The following PDE8B variants were observed in gnomAD, a reference collection of about 807,000 sequenced individuals.
The protein encoded by PDE8B is high affinity cAMP-specific and IBMX-insensitive 3',5'-cyclic phosphodiesterase 8B.
In PDE8B, 26 loss-of-function variants were observed where a neutral mutation model predicts 101.3. The observed-to-expected ratio is 0.26, with a 90% CI of 0.19 to 0.36. The LOEUF (loss-of-function observed/expected upper bound fraction) is 0.36. Ranked by LOEUF, PDE8B falls within the 10% of genes least tolerant of loss-of-function variation. The probability of loss-of-function intolerance (pLI) is 1.00; values close to 1 mark genes in which losing one functional copy is unlikely to be tolerated. For missense variants in PDE8B, 810 were observed against 1,163.1 expected (o/e 0.70, Z 4.42); for synonymous variants, 424 against 429.3 (o/e 0.99, Z 0.15).
In PDE8B at chr5:77,210,814, G is replaced by T. The variant is rs1276501336; in HGVS notation, c.-112G>T. ...GAGCGGCGGACACACAGGCCGGGGG[G>T]CGCGCAGTCCGGGCGCCGCCGCGGC... On this transcript the variant is annotated 5_prime_UTR_variant, in exon 1 of 22. Transcript: ENST00000264917. This position sits in a 1 kb window ranked among gnomAD's most constrained non-coding sequence, Gnocchi z 4.9. 4.0e-5 allele frequency: 39 copies of T among 985,422 alleles called. No homozygotes were observed. In the Admixed American group the frequency reaches 5.6e-4, roughly 14 times the overall value. The allele number at this position is 985,422 out of a possible 1,614,324, so 61.0% of individuals were successfully genotyped here.
intron 10 of PDE8B, among the ~76,000 whole-genome samples, chr5:77,375,146 C>T (rs374490868): frequency 2.0e-5 from 3 of 152,196 alleles, no homozygotes; most frequent in Admixed American, 1.3e-4. Flanking sequence ...TGGACACTAA[C>T]GAAGCTCTCA....
intron 1 of PDE8B, among the ~76,000 whole-genome samples, chr5:77,262,192 T>TA (rs5868861): frequency 0.067 from 9,886 of 147,252 alleles, 369 homozygotes; most frequent in African/African-American, 0.086. Context: ...GTGTGCCTGG[T>TA]AAAAAAAAAA....
chr5:77,426,092 CT>C (rs927628619), intron 21 of PDE8B, 196 bp downstream of exon 21: 2 of 639,182 alleles, frequency 3.1e-6, no homozygotes, highest in African/African-American at 3.6e-5. Context: ...GTGCAGAAGA[CT>C]TGATGGATTT....
At chr5:77,424,826 G>T (rs78482291) in intron 20 of PDE8B, among the ~76,000 whole-genome samples, 14,931 of 146,516 alleles carry the variant, frequency 0.1, 826 homozygotes, top group East Asian at 0.15. Context: ...TTTGTTTTTT[G>T]TTTTTTGTTT....
chr5:77,405,232 A>G (rs1042872264), intron 12 of PDE8B, among the ~76,000 whole-genome samples: 1 of 152,280 alleles, frequency 6.6e-6, no homozygotes, highest in Admixed American at 6.5e-5. Context: ...AGAATTTAGC[A>G]AAATGTTTCT....
Position 77,421,941 on chromosome 5 carries a change from C to G in PDE8B, c.2371C>G (p.Leu791Val). The change falls in exon 20 of 22, where the codon CTG becomes GTG. Residue 791 changes from leucine to valine, a missense_variant. Leu to Val is a conservative substitution (Grantham distance 32, BLOSUM62 1). Coordinates refer to ENST00000264917, the MANE Select transcript of PDE8B (RefSeq NM_003719.5). ...GGCCAACCCATGCCGCCCCTTGGACCTGTGCATTGAATGGGCTGGGAGGAT... is the reference window on the plus strand; with the variant it reads ...GGCCAACCCATGCCGCCCCTTGGACGTGTGCATTGAATGGGCTGGGAGGAT... ...DVANPCRPLD[L>V]CIEWAGRISE... The G allele has an allele frequency of 1.2e-6, 2 of 1,614,182 alleles. No homozygotes were observed. Among genetic ancestry groups the G allele is most frequent in the African/African-American group, 2.7e-5 (2 of 75,050 alleles).
chr5:77,095,206 A>G, the PDE8B span, among the ~76,000 whole-genome samples: 6 of 152,018 alleles, frequency 3.9e-5, no homozygotes, highest in Non-Finnish European at 2.9e-5. Context: ...TTCTCAAGAC[A>G]CTCTCATAAT....
chr5:77,426,603 C>T lies in PDE8B; in HGVS notation c.*49C>T, dbSNP rs1255918486. On this transcript the variant is annotated 3_prime_UTR_variant, in exon 22 of 22. Transcript: ENST00000264917. The stretch of plus-strand genomic sequence containing the variant: ...TTGACCGACAAAGGACACTGTGAAT[C>T]ACAGTAGCGTAAACGAGAGGCCTTC... 4.2e-6 allele frequency: 4 copies of T among 962,004 alleles called. No homozygotes were observed. Among genetic ancestry groups the T allele is most frequent in the Non-Finnish European group, 6.8e-6 (4 of 589,008 alleles). The allele number at this position is 962,004 out of a possible 1,614,324, so 59.6% of individuals were successfully genotyped here.
At chr5:77,263,001 T>C (rs1760947976) in intron 1 of PDE8B, among the ~76,000 whole-genome samples, 1 of 152,242 alleles carries the variant, frequency 6.6e-6, no homozygotes, top group Non-Finnish European at 1.5e-5. Flanking sequence ...AATGCTTTCC[T>C]GGAAACTGAT....
chr5:77,170,234 T>C, the PDE8B span, among the ~76,000 whole-genome samples: 22 of 152,200 alleles, frequency 1.4e-4, no homozygotes, highest in Admixed American at 3.3e-4. Flanking sequence ...GAGTGCACAA[T>C]TGGCCTTAGA....
At chr5:77,418,525 G>A in intron 18 of PDE8B, 79 bp downstream of exon 18, 1 of 987,040 alleles carries the variant, frequency 1.0e-6, no homozygotes, top group Non-Finnish European at 1.6e-6. Context: ...CCTCTTAGGG[G>A]AAAGGGAAAA....
At chr5:77,186,209 A>G in the PDE8B span, among the ~76,000 whole-genome samples, 1 of 152,174 alleles carries the variant, frequency 6.6e-6, no homozygotes, top group African/African-American at 2.4e-5. Context: ...GTGCCCAGGA[A>G]GCATGTATTT....
rs1438522463 is a variant in PDE8B, at chr5:77,211,834, A to G, written c.339+570A>G. On this transcript the variant is annotated intron_variant, in intron 1 of 21. Transcript: ENST00000264917. The surrounding 1 kb of genome is among the most constrained non-coding windows in gnomAD (Gnocchi z 4.1). ...AGATGTGGGAACGGAGCAGAGTGGA[A>G]CCTGTTGTTTGTCACTGTAACGTTT... 6.6e-6 allele frequency among the ~76,000 whole-genome samples: 1 copy of G among 152,028 alleles called. No homozygotes were observed. The highest frequency in any genetic ancestry group is 1.5e-5 in the Non-Finnish European group (1 of 67,996).
chr5:77,374,040 G>A lies in PDE8B; in HGVS notation c.1167+20634G>A, dbSNP rs915880433. Among the ~76,000 whole-genome samples, 8 of 152,206 alleles carry A rather than the reference G, an allele frequency of 5.3e-5. No homozygotes were observed. The South Asian group carries it at 1.7e-3, about 32-fold the overall frequency. On this transcript the variant is annotated intron_variant, in intron 10 of 21. Transcript: ENST00000264917. ...TAATTTTGTGTTTTTAGTAGAGACTGGGTTTCTCCATGTTGGTCAGTCTGG... is the reference window on the plus strand; with the variant it reads ...TAATTTTGTGTTTTTAGTAGAGACTAGGTTTCTCCATGTTGGTCAGTCTGG...
At chr5:77,264,155 G>T (rs1761202125) in intron 1 of PDE8B, among the ~76,000 whole-genome samples, 1 of 152,096 alleles carries the variant, frequency 6.6e-6, no homozygotes, top group Non-Finnish European at 1.5e-5. Context: ...CCATTTAATG[G>T]ACATACCTCA....
intron 1 of PDE8B, among the ~76,000 whole-genome samples, chr5:77,299,262 G>GTTTT (rs1383161475): frequency 1.4e-5 from 2 of 148,092 alleles, no homozygotes; most frequent in Non-Finnish European, 3.0e-5. Flanking sequence ...TTGTTTGTTT[G>GTTTT]TTTGTTTTAT....
At chr5:77,324,617 T>C (rs1775715734) in intron 2 of PDE8B, among the ~76,000 whole-genome samples, 1 of 152,214 alleles carries the variant, frequency 6.6e-6, no homozygotes, top group African/African-American at 2.4e-5. Context: ...TTCCCTCGAC[T>C]TAGCTCCATC....
intron 10 of PDE8B, among the ~76,000 whole-genome samples, chr5:77,399,277 G>A (rs983117761): frequency 3.3e-5 from 5 of 152,228 alleles, no homozygotes; most frequent in African/African-American, 1.2e-4. Flanking sequence ...AGGCCATCCC[G>A]GAACTGGGGT....
the PDE8B span, among the ~76,000 whole-genome samples, chr5:77,154,131 C>T: frequency 6.6e-6 from 1 of 152,146 alleles, no homozygotes; most frequent in South Asian, 2.1e-4. Flanking sequence ...TCATATTGTT[C>T]AAAATGGGAG....
Sources: gnomAD v4.1 joint callset for allele counts (sites outside exome capture counted in the v4.1 genomes callset) on GRCh38, gnomAD v4.1.1 for gene constraint, Gnocchi (gnomAD v3.1) non-coding constraint, MANE v1.5 for transcripts, NCBI Gene and HGNC (gene_info 2026-07-23, HGNC 2026-07-21) for gene names.